The following EDNRB variants were observed in gnomAD, a reference collection of about 807,000 sequenced individuals.
EDNRB encodes endothelin receptor type B.
A neutral mutation model predicts 46.4 loss-of-function variants in EDNRB; 18 were observed. The ratio of observed to expected loss-of-function variants is 0.39; its 90% CI spans 0.27 to 0.57. EDNRB has a LOEUF of 0.57. EDNRB is among the 20% of genes least tolerant of loss of function. EDNRB has a pLI of 0.61. For synonymous variants in EDNRB, 213 were observed against 204.9 expected (o/e 1.04, Z -0.34); for missense variants, 434 against 537.5 (o/e 0.81, Z 1.90).
At chr13:77,922,237 C>G (rs753846478), upstream of EDNRB, among the ~76,000 whole-genome samples, 1 of 151,840 alleles carries the variant, frequency 6.6e-6, no homozygotes, top group Non-Finnish European at 1.5e-5. Context: ...GATCACTTCT[C>G]AAAGTTAGAA....
At chr13:77,900,460 C>G (rs1258451668) in intron 5 of EDNRB, 61 bp downstream of exon 5, 4 of 1,605,878 alleles carry the variant, frequency 2.5e-6, no homozygotes, top group Non-Finnish European at 3.4e-6. Flanking sequence ...TAAAAAAGAT[C>G]GATGGAAACA....
At chr13:77,919,327 A>T, upstream of EDNRB, 3 of 1,502,886 alleles carry the variant, frequency 2.0e-6, no homozygotes, top group Non-Finnish European at 2.7e-6. Context: ...CCAAACTAGT[A>T]AGCCAAACCG....
Position 77,964,484 on chromosome 13 carries a change from T to C in EDNRB, c.-52+10863A>G, listed in dbSNP as rs538645635. Among the ~76,000 whole-genome samples the C allele has an allele frequency of 1.2e-4, 18 of 152,268 alleles. No individual in the cohort carries two copies. The East Asian group carries it at 3.3e-3, about 28-fold the overall frequency. ...TAAGTTCATGTCCTTTGTTGAGACA[T>C]GGATGAAGCTGGAAACCATCATACT... On this transcript the variant is annotated intron_variant, in intron 1 of 7. Coordinates refer to the EDNRB transcript ENST00000646948.
intron 1 of EDNRB, among the ~76,000 whole-genome samples, chr13:77,952,574 A>ATG (rs1179103811): frequency 1.3e-5 from 2 of 152,194 alleles, no homozygotes; most frequent in Non-Finnish European, 2.9e-5. Context: ...TGACATATAT[A>ATG]TAGAAAGCTA....
At chr13:77,947,303 T>G (rs1325882830) in intron 1 of EDNRB, among the ~76,000 whole-genome samples, 2 of 151,880 alleles carry the variant, frequency 1.3e-5, no homozygotes, top group African/African-American at 4.8e-5. Flanking sequence ...GTTTTTTTTT[T>G]TTTTCTATTT....
chr13:77,959,299 G>A (rs896129391), intron 1 of EDNRB, among the ~76,000 whole-genome samples: 1 of 152,148 alleles, frequency 6.6e-6, no homozygotes, highest in Non-Finnish European at 1.5e-5. Flanking sequence ...CTCAGTAGGG[G>A]CAGAATGACA....
chr13:77,936,974 G>A (rs376806049), intron 1 of EDNRB, among the ~76,000 whole-genome samples: 22 of 152,192 alleles, frequency 1.4e-4, no homozygotes, highest in African/African-American at 2.9e-4. Flanking sequence ...CCTTGAAGGC[G>A]AGGTTGATTA....
In EDNRB at chr13:77,940,700, G is replaced by GATAT. The variant is rs906671179; in HGVS notation, c.-51-22077_-51-22076insATAT. ...TCAAAGCCAAGGAAAAGATGAATTG[G>GATAT]GTGTGTGTGTGTGTGTGTGTGTGTG... is the stretch of plus-strand genomic sequence containing the variant. On this transcript the variant is annotated intron_variant, in intron 1 of 7. Coordinates refer to the EDNRB transcript ENST00000646948. Among the ~76,000 whole-genome samples, 156 of 149,182 alleles carry GATAT rather than the reference G, an allele frequency of 1.0e-3. 3 individuals are homozygous for GATAT. The East Asian group carries it at 0.019, about 18-fold the overall frequency.
intron 1 of EDNRB, among the ~76,000 whole-genome samples, chr13:77,906,404 C>A (rs950920044): frequency 6.6e-6 from 1 of 152,030 alleles, no homozygotes; most frequent in Admixed American, 6.6e-5. Flanking sequence ...AAACATGAAG[C>A]CTAATTTCCC....
At chr13:77,917,023 A>G (rs1310254993) in intron 1 of EDNRB, among the ~76,000 whole-genome samples, 1 of 152,084 alleles carries the variant, frequency 6.6e-6, no homozygotes, top group Non-Finnish European at 1.5e-5. Flanking sequence ...GGAGTTCCAA[A>G]GCAACCTGGA....
rs971663633 is a variant in EDNRB at position 77,896,981 on chromosome 13, A to G, written c.*1219T>C. The G allele has an allele frequency of 7.1e-6, 7 of 991,706 alleles. No individual in the cohort carries two copies. In the African/African-American group the frequency reaches 1.2e-4, roughly 17 times the overall value. The allele number at this position is 991,706 out of a possible 1,614,324, so 61.4% of individuals were successfully genotyped here. ...TTTCTATTGGCTATTTACAAAAATA[A>G]TACAAAAATTAGTAATAAGCTTTAC... On this transcript the variant is annotated 3_prime_UTR_variant, in exon 7 of 7. Coordinates refer to ENST00000646607, the MANE Select transcript of EDNRB (RefSeq NM_001122659.3).
At chr13:77,959,796 A>T (rs1881352036) in intron 1 of EDNRB, among the ~76,000 whole-genome samples, 1 of 152,208 alleles carries the variant, frequency 6.6e-6, no homozygotes, top group Non-Finnish European at 1.5e-5. Flanking sequence ...TTGAAAAAAG[A>T]TTAGACAAAT....
chr13:77,946,376 G>A (rs964775730), intron 1 of EDNRB, among the ~76,000 whole-genome samples: 1 of 152,172 alleles, frequency 6.6e-6, no homozygotes, highest in East Asian at 1.9e-4. Flanking sequence ...ATGGTGTAAA[G>A]CTAGCTATGT....
intron 1 of EDNRB, among the ~76,000 whole-genome samples, chr13:77,906,865 C>T (rs2329046): frequency 6.6e-6 from 1 of 151,730 alleles, no homozygotes; most frequent in Non-Finnish European, 1.5e-5. Flanking sequence ...TTAGGAAACC[C>T]ACATGCCTGC....
intron 1 of EDNRB, among the ~76,000 whole-genome samples, chr13:77,917,104 C>G (rs1185507520): frequency 2.0e-5 from 3 of 152,132 alleles, no homozygotes; most frequent in Admixed American, 6.5e-5. Context: ...TACCGAAACC[C>G]TTACAGATTT....
chr13:77,923,560 G>A (rs377720922), upstream of EDNRB, among the ~76,000 whole-genome samples: 5 of 152,036 alleles, frequency 3.3e-5, no homozygotes, highest in South Asian at 4.2e-4. Context: ...TGCACTCTTT[G>A]GGGAGTTGTT....
intron 1 of EDNRB, among the ~76,000 whole-genome samples, chr13:77,962,307 G>C (rs1194959938): frequency 6.6e-6 from 1 of 152,050 alleles, no homozygotes; most frequent in Non-Finnish European, 1.5e-5. Context: ...TGATACCAAA[G>C]CCTGGCAGAG....
Position 77,895,973 on chromosome 13 carries a change from C to T in EDNRB, c.*2227G>A, listed in dbSNP as rs749796935. 6.6e-6 allele frequency: 1 copy of T among 152,566 alleles called. No homozygotes were observed. Among genetic ancestry groups the T allele is most frequent in the Non-Finnish European group, 1.5e-5 (1 of 68,478 alleles). 9.5% of individuals were successfully genotyped at this position (152,566 alleles called of 1,614,324 possible). A position where few individuals can be genotyped will look rare whatever the true frequency, so the allele number is the denominator to read the frequency against. The stretch of plus-strand genomic sequence containing the variant: ...TTTTGTCTGTTGCTATATTAAAGTC[C>T]TTAATACTAGGAAACATGTTTTGAA... On this transcript the variant is annotated 3_prime_UTR_variant, in exon 7 of 7. Transcript: ENST00000646607.
chr13:77,966,768 C>T (rs998923914), intron 1 of EDNRB, among the ~76,000 whole-genome samples: 1 of 152,042 alleles, frequency 6.6e-6, no homozygotes, highest in African/African-American at 2.4e-5. Context: ...ATTTTTTTAT[C>T]TCTTATATTT....
Sources: allele counts gnomAD v4.1 joint callset (sites outside exome capture counted in the v4.1 genomes callset), GRCh38; gene constraint gnomAD v4.1.1; transcripts MANE v1.5; gene names NCBI Gene and HGNC (gene_info 2026-07-23, HGNC 2026-07-21).